The following COPG1 variants were observed in gnomAD, a reference collection of about 807,000 sequenced individuals.
COPG1 encodes coat protein complex I subunit gamma 1.
Under a neutral mutation model 102.8 loss-of-function variants are expected in COPG1, and 29 were observed. That is an observed-to-expected ratio of 0.28 (90% CI 0.21 to 0.38). The LOEUF is 0.38. COPG1 is among the 10% of genes least tolerant of loss of function. The pLI is 1.00. For missense variants in COPG1, 875 were observed against 1,132.7 expected, an observed-to-expected ratio of 0.77 and a Z score of 3.27; for synonymous variants, 406 against 421.6, an observed-to-expected ratio of 0.96 and a Z score of 0.45.
At position 129,275,801 on chromosome 3, in the gene COPG1, A is replaced by G. The variant is rs545168871; in HGVS notation, c.2494+509A>G. On this transcript the variant is annotated intron_variant, in intron 23 of 23. Transcript: ENST00000314797. This position sits in a 1 kb window ranked among gnomAD's most constrained non-coding sequence, Gnocchi z 5.0. ...ACACTATTGTAAAACTATGACCACC[A>G]TCCATCTCCAGAACTTTTTTCATCC... Among the ~76,000 whole-genome samples the G allele has an allele frequency of 6.6e-6, 1 of 152,348 alleles. No individual in the cohort carries two copies. The highest frequency in any genetic ancestry group is 2.4e-5 in the African/African-American group (1 of 41,584).
chr3:129,261,238 T>A (rs914734571), intron 12 of COPG1, among the ~76,000 whole-genome samples: 13 of 152,290 alleles, frequency 8.5e-5, no homozygotes, highest in African/African-American at 3.1e-4. Context: ...GCATGGGTAC[T>A]GCAGTCAAGA....
In COPG1 at chr3:129,272,333, C is replaced by T. The variant is rs759593398; in HGVS notation, c.2076C>T (p.Tyr692=). 86 of 1,613,968 alleles carry T rather than the reference C, an allele frequency of 5.3e-5. No individual in the cohort carries two copies. Among genetic ancestry groups the T allele is most frequent in the South Asian group, 2.6e-4 (24 of 91,086 alleles). ...EPTEAYEVLC[Y]VPARSLPYNQ... ...CTGAGGCCTATGAGGTGCTCTGTTACGTGCCTGCCCGGAGCCTGCCCTACA... is the reference window on the plus strand; with the variant it reads ...CTGAGGCCTATGAGGTGCTCTGTTATGTGCCTGCCCGGAGCCTGCCCTACA... Residue 692 remains tyrosine, a synonymous_variant, in exon 20 of 24, where the codon TAC becomes TAT. Transcript: ENST00000314797.
intron 13 of COPG1, among the ~76,000 whole-genome samples, chr3:129,265,311 C>T (rs889407722): frequency 6.6e-5 from 10 of 152,228 alleles, no homozygotes; most frequent in Admixed American, 3.9e-4. Flanking sequence ...AGGCTGATTT[C>T]GAATTCCTGA....
At chr3:129,259,226 G>T (rs1442358955) in intron 10 of COPG1, among the ~76,000 whole-genome samples, 1 of 152,124 alleles carries the variant, frequency 6.6e-6, no homozygotes, top group Non-Finnish European at 1.5e-5. Flanking sequence ...GCTTTGGGAG[G>T]CCGAGGCAGG....
intron 2 of COPG1, among the ~76,000 whole-genome samples, chr3:129,251,304 G>A (rs1052583000): frequency 6.6e-6 from 1 of 150,832 alleles, no homozygotes; most frequent in Non-Finnish European, 1.5e-5. Context: ...TATCACCTAA[G>A]CTAGACTGTG....
rs1174561143 is a variant in COPG1, at chr3:129,267,040, G to A, written c.1485G>A (p.Leu495=). The A allele has an allele frequency of 6.2e-7, 1 of 1,613,626 alleles. No individual in the cohort carries two copies. Among genetic ancestry groups the A allele is most frequent in the Non-Finnish European group, 8.5e-7 (1 of 1,179,792 alleles). ...TAAACACAGGTGCTGTGAGTGCTCTGGCGAAGTTTGGAGCCCAGAATGAAG... is the reference window on the plus strand; with the variant it reads ...TAAACACAGGTGCTGTGAGTGCTCTAGCGAAGTTTGGAGCCCAGAATGAAG... The part of the protein sequence containing the change: ...EEVRAGAVSA[L]AKFGAQNEEM... Residue 495 remains leucine (L), a synonymous_variant, in exon 15 of 24, where the codon CTG becomes CTA. Transcript: ENST00000314797.
Position 129,275,435 on chromosome 3 carries a change from C to T in COPG1, c.2494+143C>T, listed in dbSNP as rs373477601. 29 of 621,490 alleles carry T rather than the reference C, an allele frequency of 4.7e-5. No individual in the cohort carries two copies. Among genetic ancestry groups the T allele is most frequent in the East Asian group, 1.7e-4 (6 of 36,110 alleles). The allele number at this position is 621,490 out of a possible 1,614,324, so 38.5% of individuals were successfully genotyped here. A position where few individuals can be genotyped will look rare whatever the true frequency, so the allele number is the denominator to read the frequency against. On this transcript the variant is annotated intron_variant, in intron 23 of 23. Transcript: ENST00000314797. This position sits in a 1 kb window ranked among gnomAD's most constrained non-coding sequence, Gnocchi z 5.0. Reference sequence around the variant, plus strand: ...TCACAAAGTATAAAATAATCTGCAGCGAAATGTTTCCTCCCTACCTTGGCT... The same window carrying T: ...TCACAAAGTATAAAATAATCTGCAGTGAAATGTTTCCTCCCTACCTTGGCT...
chr3:129,266,804 C>T (rs559293841), intron 14 of COPG1, among the ~76,000 whole-genome samples: 67 of 152,240 alleles, frequency 4.4e-4, no homozygotes, highest in Non-Finnish European at 6.6e-4. Flanking sequence ...TCCCATCTGG[C>T]GCCCTTCTCC....
Position 129,257,733 on chromosome 3 carries a change from C to G in COPG1, c.744C>G (p.Asp248Glu). ...KQLEEEDGSRDSPLFDFIESC... is the reference protein window; with the variant it reads ...KQLEEEDGSRESPLFDFIESC... The stretch of plus-strand genomic sequence containing the variant: ...ACCCTATGTTCTTTTGTAGCCGTGA[C>G]AGCCCACTGTTTGACTTCATCGAGA... The change falls in exon 10 of 24, where the codon GAC (aspartate) becomes GAG (glutamate). Residue 248 changes from aspartate to glutamate, a missense_variant. Asp to Glu is a conservative substitution (Grantham distance 45, BLOSUM62 2). Transcript: ENST00000314797. 6.2e-7 allele frequency: 1 copy of G among 1,613,992 alleles called. No individual in the cohort carries two copies. The highest frequency in any genetic ancestry group is 8.5e-7 in the Non-Finnish European group (1 of 1,179,856).
intron 14 of COPG1, among the ~76,000 whole-genome samples, chr3:129,266,364 A>G (rs1439264842): frequency 6.6e-6 from 1 of 152,090 alleles, no homozygotes; most frequent in African/African-American, 2.4e-5. Flanking sequence ...CCTGGGCTCA[A>G]GCTATCCTCC....
chr3:129,256,015 T>C (rs996134596), intron 7 of COPG1, 53 bp from the exon 8 acceptor site: 13 of 1,508,218 alleles, frequency 8.6e-6, no homozygotes, highest in Non-Finnish European at 1.2e-5. Context: ...GGGCCCAGAA[T>C]GTGTGATGGG....
chr3:129,266,619 T>C (rs1046290172), intron 14 of COPG1, among the ~76,000 whole-genome samples: 2 of 152,234 alleles, frequency 1.3e-5, no homozygotes, highest in Admixed American at 6.5e-5. Context: ...CTTTCAGCAA[T>C]AAATGATCTT....
chr3:129,249,633 G>A lies in COPG1; in HGVS notation c.-77G>A. 1 of 1,520,446 alleles carries A rather than the reference G, an allele frequency of 6.6e-7. No homozygotes were observed. The highest frequency in any genetic ancestry group is 8.9e-7 in the Non-Finnish European group (1 of 1,121,566). The allele number at this position is 1,520,446 out of a possible 1,614,324, so 94.2% of individuals were successfully genotyped here. ...TCGGGGCCCGGAAGTGGTCCCTGTAGAACCACTGTGGCACCGCTACTCCGT... is the reference window on the plus strand; with the variant it reads ...TCGGGGCCCGGAAGTGGTCCCTGTAAAACCACTGTGGCACCGCTACTCCGT... On this transcript the variant is annotated 5_prime_UTR_variant, in exon 1 of 24. Transcript: ENST00000314797.
intron 18 of COPG1, among the ~76,000 whole-genome samples, chr3:129,269,495 A>G (rs1940147462): frequency 6.6e-6 from 1 of 152,206 alleles, no homozygotes; most frequent in Non-Finnish European, 1.5e-5. Context: ...AGATAAAAGC[A>G]TAGACCCCTC....
At chr3:129,274,197 A>AAAG in intron 21 of COPG1, 4 of 429,890 alleles carry the variant, frequency 9.3e-6, no homozygotes, top group East Asian at 7.1e-5. Context: ...AAAAAAAAAA[A>AAAG]AGAGAGAGAG....
At chr3:129,262,464 AG>A (rs1939943781) in intron 12 of COPG1, among the ~76,000 whole-genome samples, 1 of 152,070 alleles carries the variant, frequency 6.6e-6, no homozygotes. Flanking sequence ...CATGTTAGCC[AG>A]GATGGTCTCG....
chr3:129,277,314 G>A lies in COPG1; in HGVS notation c.2515G>A (p.Asp839Asn). 6.2e-7 allele frequency: 1 copy of A among 1,614,002 alleles called. No individual in the cohort carries two copies. Among genetic ancestry groups the A allele is most frequent in the Non-Finnish European group, 8.5e-7 (1 of 1,179,978 alleles). The change falls in exon 24 of 24, where the codon GAC becomes AAC. Residue 839 changes from aspartate (D) to asparagine (N), a missense_variant. Transcript: ENST00000314797. The part of the protein sequence containing the change: ...LLAGVFRGGH[D>N]ILVRSRLLLL... Reference sequence around the variant, plus strand: ...TCTAGGTGTGTTCCGGGGTGGTCATGACATCCTGGTGCGCTCCCGGCTGCT... The same window carrying A: ...TCTAGGTGTGTTCCGGGGTGGTCATAACATCCTGGTGCGCTCCCGGCTGCT...
chr3:129,272,256 AAC>A lies in COPG1; in HGVS notation c.2004_2005del (p.Leu669GlnfsTer2). On this transcript the variant is annotated frameshift_variant, in exon 20 of 24. Coordinates refer to ENST00000314797, the MANE Select transcript of COPG1 (RefSeq NM_016128.4). LOFTEE classifies it high-confidence loss of function. ...NHMVFQFDCTNTLNDQTLENV... is the reference protein window; with the variant it reads ...NHMVFQFDCTXTLNDQTLENV... ...CTTTCCTGTTCAGTTTGACTGCACA[AAC>A]ACACTCAATGACCAGACCTTGGAGA... is the stretch of plus-strand genomic sequence containing the variant. The A allele has an allele frequency of 6.2e-7, 1 of 1,613,948 alleles. No individual in the cohort carries two copies. Among genetic ancestry groups the A allele is most frequent in the Non-Finnish European group, 8.5e-7 (1 of 1,179,824 alleles).
intron 8 of COPG1, among the ~76,000 whole-genome samples, chr3:129,256,433 G>A (rs560804441): frequency 2.6e-5 from 4 of 152,354 alleles, no homozygotes; most frequent in Admixed American, 2.6e-4. Flanking sequence ...CATATGATGT[G>A]GCAAACTTGG....
Sources: allele counts gnomAD v4.1 joint callset (sites outside exome capture counted in the v4.1 genomes callset), GRCh38; gene constraint gnomAD v4.1.1; non-coding constraint Gnocchi (gnomAD v3.1); transcripts MANE v1.5; gene names NCBI Gene and HGNC (gene_info 2026-07-23, HGNC 2026-07-21).